Variants in BTG4 observed in about 807,000 individuals in gnomAD.
BTG4 encodes BTG anti-proliferation factor 4, also known as protein BTG4.
In BTG4, 10 loss-of-function variants were observed where a neutral mutation model predicts 19.3. The ratio of observed to expected loss-of-function variants is 0.52; its 90% CI spans 0.32 to 0.88. BTG4 has a LOEUF of 0.88. Ranked by LOEUF, BTG4 falls within the 40% of genes least tolerant of loss-of-function variation. The pLI is 0.04. For synonymous variants in BTG4, 91 were observed against 95.7 expected (o/e 0.95, Z 0.29); for missense variants, 238 against 281.9 (o/e 0.84, Z 1.11).
the BTG4 span, chr11:111,449,245 A>G: frequency 6.6e-6 from 1 of 151,986 alleles, no homozygotes; most frequent in Non-Finnish European, 1.5e-5. Flanking sequence ...AAAGGGTCAC[A>G]GCCAAAAACC....
At chr11:111,400,018 G>T in the BTG4 span, among the ~76,000 whole-genome samples, 1 of 152,262 alleles carries the variant, frequency 6.6e-6, no homozygotes, top group East Asian at 1.9e-4. Flanking sequence ...GATGGGTGAG[G>T]GTGGGGTGAG....
chr11:111,463,251 G>A (rs1863510912), downstream of BTG4: 1 of 152,682 alleles, frequency 6.5e-6, no homozygotes, highest in Admixed American at 6.5e-5. Context: ...AGACTCCCAA[G>A]GCAACCACGT....
the BTG4 span, among the ~76,000 whole-genome samples, chr11:111,426,760 T>C: frequency 3.9e-5 from 6 of 152,144 alleles, no homozygotes; most frequent in Non-Finnish European, 7.4e-5. Flanking sequence ...ACCACGCCCC[T>C]GTATCACACT....
chr11:111,502,352 A>G (rs1473365476), intron 1 of BTG4, among the ~76,000 whole-genome samples: 1 of 152,224 alleles, frequency 6.6e-6, no homozygotes, highest in Non-Finnish European at 1.5e-5. Flanking sequence ...TCTAACGTGC[A>G]GCAAAAGTGG....
the BTG4 span, among the ~76,000 whole-genome samples, chr11:111,447,245 C>T: frequency 1.3e-5 from 2 of 152,238 alleles, no homozygotes; most frequent in African/African-American, 4.8e-5. Flanking sequence ...GGCAGTTTTA[C>T]AGTTTCCAGT....
chr11:111,506,766 T>C (rs1032324055), intron 1 of BTG4, among the ~76,000 whole-genome samples: 6 of 152,090 alleles, frequency 3.9e-5, no homozygotes, highest in Non-Finnish European at 7.4e-5. Flanking sequence ...AATTAGAATA[T>C]AGAATAATAC....
the BTG4 span, among the ~76,000 whole-genome samples, chr11:111,435,590 G>A: frequency 6.6e-6 from 1 of 152,172 alleles, no homozygotes; most frequent in Non-Finnish European, 1.5e-5. Context: ...CACCAGGCTT[G>A]GCCCTGGGAA....
chr11:111,410,194 T>A, the BTG4 span, among the ~76,000 whole-genome samples: 1 of 151,962 alleles, frequency 6.6e-6, no homozygotes, highest in Non-Finnish European at 1.5e-5. Flanking sequence ...TTTTTTTTTT[T>A]ATACAGGGTT....
At chr11:111,386,176 T>C in the BTG4 span, 1 of 152,200 alleles carries the variant, frequency 6.6e-6, no homozygotes, top group Non-Finnish European at 1.5e-5. Flanking sequence ...TCATAATTAA[T>C]TTCCAAACAT....
chr11:111,470,323 T>A (rs635385), intron 5 of BTG4, among the ~76,000 whole-genome samples: 148,381 of 152,234 alleles, frequency 0.97, 72,417 homozygotes, highest in Middle Eastern at 1. Flanking sequence ...GGCTCAAGCA[T>A]TCCACCTGCC....
At chr11:111,385,661 T>C in the BTG4 span, 2 of 152,222 alleles carry the variant, frequency 1.3e-5, no homozygotes, top group Admixed American at 6.5e-5. Flanking sequence ...ATTCACCACA[T>C]TGATAAACTT....
At chr11:111,443,467 A>G in the BTG4 span, among the ~76,000 whole-genome samples, 3 of 152,250 alleles carry the variant, frequency 2.0e-5, no homozygotes, top group Non-Finnish European at 4.4e-5. Flanking sequence ...GGTGTGAGGT[A>G]TATGAGAACA....
At chr11:111,407,091 A>G in the BTG4 span, among the ~76,000 whole-genome samples, 1 of 151,280 alleles carries the variant, frequency 6.6e-6, no homozygotes, top group Admixed American at 6.6e-5. Flanking sequence ...CATGGTAAGC[A>G]TTTAATAAAA....
At chr11:111,486,932 GC>G (rs1015830516) in intron 5 of BTG4, among the ~76,000 whole-genome samples, 5 of 151,832 alleles carry the variant, frequency 3.3e-5, no homozygotes, top group African/African-American at 1.2e-4. Context: ...TAGGTATTAA[GC>G]CCCCCATGCA....
downstream of BTG4, among the ~76,000 whole-genome samples, chr11:111,493,466 C>T (rs1865540346): frequency 6.6e-6 from 1 of 152,042 alleles, no homozygotes; most frequent in Non-Finnish European, 1.5e-5. Context: ...AACTAAAGTA[C>T]ATTCACATAC....
the BTG4 span, among the ~76,000 whole-genome samples, chr11:111,399,596 A>G: frequency 6.6e-6 from 1 of 152,166 alleles, no homozygotes; most frequent in Non-Finnish European, 1.5e-5. Flanking sequence ...GCAACCTGTG[A>G]GTCATATTGC....
At chr11:111,470,142 C>A (rs189524954) in intron 5 of BTG4, among the ~76,000 whole-genome samples, 2 of 152,330 alleles carry the variant, frequency 1.3e-5, no homozygotes, top group Admixed American at 1.3e-4. Context: ...GCTGCCCAGG[C>A]TGGAGTGCAG....
intron 1 of BTG4, among the ~76,000 whole-genome samples, chr11:111,508,795 T>C (rs1866642051): frequency 6.7e-6 from 1 of 149,682 alleles, no homozygotes; most frequent in Non-Finnish European, 1.5e-5. Context: ...CATGAATTCT[T>C]AATCTATTAC....
At chr11:111,474,290 A>T (rs976318590) in intron 5 of BTG4, among the ~76,000 whole-genome samples, 2 of 152,176 alleles carry the variant, frequency 1.3e-5, no homozygotes, top group Non-Finnish European at 2.9e-5. Flanking sequence ...CCAGCCCCAG[A>T]TCAAGAAATA....
Sources: allele counts gnomAD v4.1 joint callset (sites outside exome capture counted in the v4.1 genomes callset), GRCh38; gene constraint gnomAD v4.1.1; transcripts MANE v1.5; gene names NCBI Gene and HGNC (gene_info 2026-07-23, HGNC 2026-07-21).